GOLGA1: variants seen among roughly 807,000 people sequenced by gnomAD.
The protein encoded by GOLGA1 is golgin A1, also known as golgin subfamily A member 1.
Under a neutral mutation model 119.7 loss-of-function variants are expected in GOLGA1, and 63 were observed. The ratio of observed to expected loss-of-function variants is 0.53; its 90% confidence interval spans 0.43 to 0.65. The LOEUF is 0.65. GOLGA1 is among the 30% of genes least tolerant of loss of function. The pLI is 0.00. For missense variants in GOLGA1, 798 were observed against 912.8 expected (o/e 0.87, Z 1.62); for synonymous variants, 318 against 333.4 (o/e 0.95, Z 0.50).
At chr9:124,941,177 T>C (rs999293800), upstream of GOLGA1, 3 of 152,278 alleles carry the variant, frequency 2.0e-5, no homozygotes, top group Non-Finnish European at 2.9e-5. Flanking sequence ...TGGCGGCTAC[T>C]GTTACCACCT....
intron 13 of GOLGA1, 86 bp from the exon 14 acceptor site, chr9:124,899,564 T>C: frequency 3.1e-6 from 4 of 1,270,824 alleles, no homozygotes; most frequent in African/African-American, 1.5e-5. Context: ...AGAAGATGAG[T>C]ATCCAACAGA....
In GOLGA1 at chr9:124,880,411, A is replaced by G. The variant is rs919822561; in HGVS notation, c.*119T>C. The G allele has an allele frequency of 3.0e-6, 2 of 675,004 alleles. No individual in the cohort carries two copies. Among genetic ancestry groups the G allele is most frequent in the Non-Finnish European group, 5.6e-6 (2 of 356,804 alleles). 41.8% of individuals were successfully genotyped at this position (675,004 alleles called of 1,614,324 possible). ...GGCCTTAGTCTTGTAAACAATGTTTAGACACTTGTACAAAATACTGCAGTT... is the reference window on the plus strand; with the variant it reads ...GGCCTTAGTCTTGTAAACAATGTTTGGACACTTGTACAAAATACTGCAGTT... On this transcript the variant is annotated 3_prime_UTR_variant, in exon 23 of 23. Transcript: ENST00000373555.
intron 14 of GOLGA1, among the ~76,000 whole-genome samples, 185 bp downstream of exon 14, chr9:124,899,144 T>A (rs944757444): frequency 2.0e-5 from 3 of 152,088 alleles, no homozygotes; most frequent in Non-Finnish European, 4.4e-5. Flanking sequence ...TGCAGTCAGT[T>A]GTAATCATGC....
rs564666568 is a variant in GOLGA1 at position 124,885,748 on chromosome 9, T to G, written c.1905+2505A>C. On this transcript the variant is annotated intron_variant, in intron 19 of 22. Transcript: ENST00000373555. ...AGGGAGTGACGAGGACAGGAGGGGC[T>G]CAGCTGGCAGGGGTAATGAGGGGCC... Among the ~76,000 whole-genome samples, 4 of 151,928 alleles carry G rather than the reference T, an allele frequency of 2.6e-5. No individual in the cohort carries two copies. The South Asian group carries it at 8.3e-4, about 32-fold the overall frequency.
intron 12 of GOLGA1, among the ~76,000 whole-genome samples, chr9:124,905,203 T>C (rs181074966): frequency 1.9e-4 from 29 of 151,706 alleles, no homozygotes; most frequent in African/African-American, 6.3e-4. Context: ...TATATGGTGC[T>C]GTATTCCCAG....
chr9:124,939,550 C>CTTTCTTTTTTTT (rs1830954280), intron 2 of GOLGA1, among the ~76,000 whole-genome samples: 20 of 81,840 alleles, frequency 2.4e-4, no homozygotes, highest in African/African-American at 6.7e-4. Flanking sequence ...TTCTTTCTTT[C>CTTTCTTTTTTTT]TTTTTTTTTT....
At chr9:124,904,943 CA>C (rs111292002) in intron 12 of GOLGA1, among the ~76,000 whole-genome samples, 7 of 131,316 alleles carry the variant, frequency 5.3e-5, no homozygotes, top group African/African-American at 8.6e-5. Flanking sequence ...GACTCTGTCT[CA>C]AAAAAAAAAA....
chr9:124,910,375 T>C (rs995005872), intron 11 of GOLGA1, among the ~76,000 whole-genome samples: 2 of 152,194 alleles, frequency 1.3e-5, no homozygotes, highest in South Asian at 2.1e-4. Context: ...TAGAGATATA[T>C]ACTTTAAACA....
At chr9:124,886,960 G>C (rs1829737015) in intron 19 of GOLGA1, among the ~76,000 whole-genome samples, 1 of 152,178 alleles carries the variant, frequency 6.6e-6, no homozygotes, top group African/African-American at 2.4e-5. Flanking sequence ...GAGGGGACCT[G>C]AATGCCCAGG....
At chr9:124,926,819 C>A (rs1463775509) in intron 6 of GOLGA1, 78 bp from the exon 7 acceptor site, 1 of 684,234 alleles carries the variant, frequency 1.5e-6, no homozygotes, top group East Asian at 2.9e-5. Flanking sequence ...AACAAAACAA[C>A]CCAACTCTTC....
chr9:124,943,273 CAT>C (rs778674414), upstream of GOLGA1: 7 of 152,154 alleles, frequency 4.6e-5, no homozygotes, highest in Admixed American at 1.3e-4. Context: ...ACTGTTAACA[CAT>C]ATAAAAACTA....
intron 8 of GOLGA1, 69 bp downstream of exon 8, chr9:124,923,026 T>C: frequency 2.0e-6 from 2 of 992,888 alleles, no homozygotes; most frequent in Middle Eastern, 2.1e-4. Context: ...AATTAGAGAG[T>C]GATGACTAGT....
In GOLGA1 at chr9:124,925,670, GAT is replaced by G. The variant is rs533086702; in HGVS notation, c.432+1037_432+1038del. On this transcript the variant is annotated intron_variant, in intron 7 of 22. Coordinates refer to ENST00000373555, the MANE Select transcript of GOLGA1 (RefSeq NM_002077.4). ...GGAGGTTGAGGCTGCACTGAGCTGT[GAT>G]TGTGCCACTCCCAGCCTGGGCAACA... Among the ~76,000 whole-genome samples, 667 of 151,984 alleles carry G rather than the reference GAT, an allele frequency of 4.4e-3. 2 individuals are homozygous for G. The highest frequency in any genetic ancestry group is 5.1e-3 in the Non-Finnish European group (349 of 67,948).
intron 3 of GOLGA1, among the ~76,000 whole-genome samples, chr9:124,937,828 A>C (rs2131541996): frequency 6.6e-6 from 1 of 152,282 alleles, no homozygotes; most frequent in East Asian, 1.9e-4. Context: ...CACGCCTGTA[A>C]TCCCAGCACT....
intron 19 of GOLGA1, 71 bp from the exon 20 acceptor site, chr9:124,882,640 G>T: frequency 8.5e-7 from 1 of 1,174,334 alleles, no homozygotes; most frequent in Non-Finnish European, 1.3e-6. Flanking sequence ...CAGACCCGAA[G>T]ATCCCACGGG....
At chr9:124,943,536 A>G (rs1006645802), upstream of GOLGA1, 3 of 152,220 alleles carry the variant, frequency 2.0e-5, no homozygotes, top group African/African-American at 7.2e-5. Flanking sequence ...TAACTCTATA[A>G]TCCCTATAGT....
intron 15 of GOLGA1, among the ~76,000 whole-genome samples, chr9:124,894,083 CTT>C (rs1829912311): frequency 1.3e-5 from 2 of 152,228 alleles, no homozygotes; most frequent in Non-Finnish European, 2.9e-5. Flanking sequence ...ATGGTCAGCT[CTT>C]TGTCTCCTTT....
intron 19 of GOLGA1, among the ~76,000 whole-genome samples, chr9:124,886,744 C>G (rs1829729457): frequency 1.3e-5 from 2 of 151,822 alleles, no homozygotes; most frequent in South Asian, 4.2e-4. Flanking sequence ...GGTGGGGGAA[C>G]AGGATATGAG....
At chr9:124,911,629 G>A (rs1830343100) in intron 11 of GOLGA1, among the ~76,000 whole-genome samples, 1 of 152,214 alleles carries the variant, frequency 6.6e-6, no homozygotes. Context: ...CCCAAGTGGC[G>A]GAAATCACTA....
Sources: gnomAD v4.1 joint callset for allele counts (sites outside exome capture counted in the v4.1 genomes callset) on GRCh38, gnomAD v4.1.1 for gene constraint, MANE v1.5 for transcripts, NCBI Gene and HGNC (gene_info 2026-07-23, HGNC 2026-07-21) for gene names.